Variants in PTPN3 observed in about 807,000 individuals in gnomAD.
PTPN3 encodes the protein tyrosine-protein phosphatase non-receptor type 3.
A neutral mutation model predicts 132.7 loss-of-function variants in PTPN3; 96 were observed. The ratio of observed to expected loss-of-function variants is 0.72; its 90% confidence interval spans 0.61 to 0.86. PTPN3 has a LOEUF of 0.86. Ranked by LOEUF, PTPN3 falls within the 40% of genes least tolerant of loss-of-function variation. PTPN3 has a pLI of 0.00. For synonymous variants in PTPN3, 398 were observed against 429.0 expected (o/e 0.93, Z 0.89); for missense variants, 1,125 against 1,159.6 (o/e 0.97, Z 0.43).
chr9:109,405,984 C>A (rs1389817851), intron 18 of PTPN3, among the ~76,000 whole-genome samples: 3 of 152,206 alleles, frequency 2.0e-5, no homozygotes, highest in Non-Finnish European at 4.4e-5. Context: ...GGTTATGTAA[C>A]CCCTGCAAGG....
At chr9:109,508,072 C>A in the PTPN3 span, among the ~76,000 whole-genome samples, 1 of 152,128 alleles carries the variant, frequency 6.6e-6, no homozygotes, top group Non-Finnish European at 1.5e-5. Context: ...GGTTAAGGTC[C>A]ATCTCAGAAA....
chr9:109,534,409 G>A, the PTPN3 span: 37 of 1,431,894 alleles, frequency 2.6e-5, no homozygotes, highest in Non-Finnish European at 3.4e-5. Context: ...TAGGCCAGCG[G>A]TGGTGGTGGG....
chr9:109,381,063 G>A (rs569929075), intron 25 of PTPN3, among the ~76,000 whole-genome samples: 2 of 152,300 alleles, frequency 1.3e-5, no homozygotes, highest in South Asian at 4.1e-4. Flanking sequence ...TTTGCACAGG[G>A]AAGCTGAAGC....
At chr9:109,450,517 G>A (rs934329633) in intron 5 of PTPN3, 2 of 984,972 alleles carry the variant, frequency 2.0e-6, no homozygotes, top group Non-Finnish European at 2.4e-6. Context: ...ATGCTGCCTT[G>A]TCATATATTG....
chr9:109,461,267 A>G (rs186645042), intron 2 of PTPN3, among the ~76,000 whole-genome samples: 4 of 152,302 alleles, frequency 2.6e-5, no homozygotes, highest in Admixed American at 2.6e-4. Flanking sequence ...TCGGGGAGCC[A>G]TTACAATACA....
In PTPN3 at chr9:109,404,470, C is replaced by T. The variant is rs1470134595; in HGVS notation, c.1931G>A (p.Gly644Glu). 6.7e-7 allele frequency: 1 copy of T among 1,499,862 alleles called. No homozygotes were observed. 92.9% of individuals were successfully genotyped at this position (1,499,862 alleles called of 1,614,324 possible). A position where few individuals can be genotyped will look rare whatever the true frequency, so the allele number is the denominator to read the frequency against. ...MAQLKKGLES[G>E]TVLIQFEQLY... is the part of the protein sequence containing the mutation. ...TACCTCAAACTGGATCAGCACCGTC[C>T]CGCTTTCGAGGCCCTTCTTTAGCTG... Residue 644 changes from glycine (G) to glutamate (E), a missense_variant, in exon 19 of 26, where the codon GGG (glycine) becomes GAG (glutamate). By Grantham distance (98) the Gly-to-Glu change is moderately conservative. Transcript: ENST00000374541.
intron 9 of PTPN3, among the ~76,000 whole-genome samples, chr9:109,434,153 T>C (rs1024689734): frequency 4.6e-5 from 7 of 152,194 alleles, no homozygotes; most frequent in African/African-American, 1.7e-4. Context: ...GTGTTTGGTT[T>C]TTCTCTGAGA....
At chr9:109,453,540 G>T (rs1410832830) in intron 5 of PTPN3, among the ~76,000 whole-genome samples, 1 of 152,120 alleles carries the variant, frequency 6.6e-6, no homozygotes, top group Non-Finnish European at 1.5e-5. Flanking sequence ...AAAAACCCCA[G>T]TACCAGCCCA....
chr9:109,457,456 C>T, intron 2 of PTPN3, 57 bp from the exon 3 acceptor site: 1 of 1,400,394 alleles, frequency 7.1e-7, no homozygotes, highest in Non-Finnish European at 1.0e-6. Flanking sequence ...GTGGTAAAAA[C>T]ATCTTTACTG....
At chr9:109,419,265 C>G (rs976982071) in intron 14 of PTPN3, among the ~76,000 whole-genome samples, 1 of 152,180 alleles carries the variant, frequency 6.6e-6, no homozygotes, top group Non-Finnish European at 1.5e-5. Context: ...GAGGTAGCAG[C>G]CTCACATACA....
chr9:109,402,364 C>T (rs536995920), intron 19 of PTPN3, among the ~76,000 whole-genome samples: 71 of 152,110 alleles, frequency 4.7e-4, no homozygotes, highest in African/African-American at 1.4e-3. Flanking sequence ...CCGCAACCTC[C>T]GCCTCCTGGG....
chr9:109,407,988 C>T (rs1370711558), intron 17 of PTPN3, among the ~76,000 whole-genome samples: 3 of 152,238 alleles, frequency 2.0e-5, no homozygotes, highest in Non-Finnish European at 4.4e-5. Context: ...GTGAGCAGAA[C>T]AGCAGACTGC....
intron 6 of PTPN3, 70 bp from the exon 7 acceptor site, chr9:109,445,362 C>A: frequency 1.5e-6 from 2 of 1,305,688 alleles, no homozygotes; most frequent in African/African-American, 1.5e-5. Context: ...ACAGATCATG[C>A]GTAGTAACAC....
At chr9:109,451,505 T>G (rs1845245452) in intron 5 of PTPN3, 2 of 712,096 alleles carry the variant, frequency 2.8e-6, no homozygotes, top group African/African-American at 3.9e-5. Context: ...CTCCACCCAC[T>G]GGCCACAATT....
At chr9:109,408,796 A>ATATATATATATATATATATATGGGCTTT (rs1554783378) in intron 16 of PTPN3, among the ~76,000 whole-genome samples, 47 of 108,360 alleles carry the variant, frequency 4.3e-4, no homozygotes, top group African/African-American at 1.6e-3. Context: ...AAAAAAAAAA[A>ATATATATATATATATATATATGGGCTTT]ATATATATAT....
chr9:109,408,642 T>A (rs1031963858), intron 16 of PTPN3, among the ~76,000 whole-genome samples: 17 of 151,896 alleles, frequency 1.1e-4, no homozygotes, highest in African/African-American at 3.9e-4. Flanking sequence ...CCACAGTCCA[T>A]GAACTAACAG....
chr9:109,416,115 G>A (rs1842466060), intron 14 of PTPN3, among the ~76,000 whole-genome samples: 1 of 152,168 alleles, frequency 6.6e-6, no homozygotes, highest in South Asian at 2.1e-4. Flanking sequence ...GTGATGGGTG[G>A]AAAGTGACTA....
chr9:109,453,839 C>T (rs1234023487), intron 5 of PTPN3, among the ~76,000 whole-genome samples: 1 of 93,194 alleles, frequency 1.1e-5, no homozygotes, highest in Non-Finnish European at 2.0e-5. Flanking sequence ...GAAACCCCAT[C>T]TCCGTTAAAA....
chr9:109,450,227 A>G, intron 5 of PTPN3: 1 of 985,348 alleles, frequency 1.0e-6, no homozygotes, highest in Non-Finnish European at 1.2e-6. Flanking sequence ...TATAACATAC[A>G]TTTGCTGATT....
Sources: allele counts gnomAD v4.1 joint callset (sites outside exome capture counted in the v4.1 genomes callset), GRCh38; gene constraint gnomAD v4.1.1; transcripts MANE v1.5; gene names NCBI Gene and HGNC (gene_info 2026-07-23, HGNC 2026-07-21).